The following PRCP variants were observed in gnomAD, a reference collection of about 807,000 sequenced individuals.
PRCP encodes the protein lysosomal Pro-X carboxypeptidase.
PRCP carries 46 observed loss-of-function variants against 54.2 expected under a neutral mutation model. The ratio of observed to expected loss-of-function variants is 0.85; its 90% CI spans 0.67 to 1.09. The LOEUF is 1.09. Ranked by LOEUF, PRCP falls within the 50% of genes least tolerant of loss-of-function variation. The pLI, the probability that PRCP is intolerant of heterozygous loss-of-function variation, is 0.00. For missense variants in PRCP, 613 were observed against 596.8 expected, an observed-to-expected ratio of 1.03 and a Z score of -0.28; for synonymous variants, 240 against 212.2, an observed-to-expected ratio of 1.13 and a Z score of -1.14.
rs569313752 is a variant in PRCP at position 82,861,007 on chromosome 11, A to G, written c.169-890T>C. On this transcript the variant is annotated intron_variant, in intron 1 of 8. Transcript: ENST00000313010. ...CATTTTAATAAATTGAACGTAAAAC[A>G]AAAACAAATTAAACATAAAAAGAAT... 1.8e-4 allele frequency among the ~76,000 whole-genome samples: 27 copies of G among 152,336 alleles called. No homozygotes were observed. In the South Asian group the frequency reaches 5.4e-3, roughly 30 times the overall value.
Position 82,900,422 on chromosome 11 carries a change from A to T in PRCP, c.-20T>A. 6.2e-7 allele frequency: 1 copy of T among 1,610,946 alleles called. No homozygotes were observed. Among genetic ancestry groups the T allele is most frequent in the Non-Finnish European group, 8.5e-7 (1 of 1,179,598 alleles). On this transcript the variant is annotated 5_prime_UTR_variant, in exon 1 of 9. Coordinates refer to ENST00000313010, the MANE Select transcript of PRCP (RefSeq NM_005040.4). ...GCCCATGGCTCAGGCTGGAGACTGC[A>T]GTGCGGGTGGGAGGGCGAAAAGGAG...
intron 6 of PRCP, chr11:82,846,020 C>G (rs767275781): frequency 6.6e-6 from 1 of 152,206 alleles, no homozygotes. Flanking sequence ...TAGTCGCTGC[C>G]CATGGATCCT....
chr11:82,879,648 TTC>T (rs1397261503), intron 1 of PRCP, among the ~76,000 whole-genome samples: 1 of 152,242 alleles, frequency 6.6e-6, no homozygotes, highest in Non-Finnish European at 1.5e-5. Context: ...CTGCTCTGGT[TTC>T]TCCCCATCTT....
chr11:82,851,388 G>T (rs555143035), intron 3 of PRCP, among the ~76,000 whole-genome samples: 1 of 150,260 alleles, frequency 6.7e-6, no homozygotes, highest in East Asian at 2.0e-4. Context: ...CTCCCGCACT[G>T]CCAACTTTGA....
At chr11:82,858,922 TC>T (rs1814595239) in intron 2 of PRCP, among the ~76,000 whole-genome samples, 1 of 152,140 alleles carries the variant, frequency 6.6e-6, no homozygotes, top group African/African-American at 2.4e-5. Flanking sequence ...TTCTTAACAT[TC>T]CTAAGGAAAT....
chr11:82,866,742 G>A lies in PRCP; in HGVS notation c.169-6625C>T, dbSNP rs186865092. On this transcript the variant is annotated intron_variant, in intron 1 of 8. Transcript: ENST00000313010. ...TTGTTTTTAATTTTTTTTTTTTTGA[G>A]CCGGAGTCTTGCTCTGTCACCCAGG... is the stretch of plus-strand genomic sequence containing the variant. Among the ~76,000 whole-genome samples, 365 of 150,606 alleles carry A rather than the reference G, an allele frequency of 2.4e-3. 3 individuals are homozygous for A. Among genetic ancestry groups the A allele is most frequent in the African/African-American group, 8.6e-3 (352 of 40,970 alleles).
chr11:82,850,003 A>C lies in PRCP; in HGVS notation c.662T>G (p.Ile221Ser). 6.4e-7 allele frequency: 1 copy of C among 1,560,642 alleles called. No homozygotes were observed. Among genetic ancestry groups the C allele is most frequent in the African/African-American group, 1.4e-5 (1 of 72,456 alleles). Reference sequence around the variant, plus strand: ...GCTTTTCCTAAAATCTGTAGTTACGATCTTCATAAATACACCACAAGGTAC... The same window carrying C: ...GCTTTTCCTAAAATCTGTAGTTACGCTCTTCATAAATACACCACAAGGTAC... The part of the protein sequence containing the change: ...DLVPCGVFMK[I>S]VTTDFRKSGP... The change falls in exon 5 of 9, where the codon ATC becomes AGC. Residue 221 changes from isoleucine to serine, a missense_variant. Transcript: ENST00000313010.
chr11:82,837,001 T>C (rs1313738075), intron 8 of PRCP: 1 of 258,322 alleles, frequency 3.9e-6, no homozygotes, highest in Admixed American at 4.9e-5. Context: ...TCCACCCTTA[T>C]GAACAGAGTA....
At chr11:82,834,849 C>A (rs182954779) in intron 8 of PRCP, among the ~76,000 whole-genome samples, 1 of 152,064 alleles carries the variant, frequency 6.6e-6, no homozygotes, top group Non-Finnish European at 1.5e-5. Context: ...CCGAGGCAGG[C>A]GGATCACCTG....
intron 4 of PRCP, 54 bp downstream of exon 4, chr11:82,850,268 TAA>T: frequency 7.3e-7 from 1 of 1,360,732 alleles, no homozygotes; most frequent in East Asian, 2.7e-5. Flanking sequence ...AATGAATCTC[TAA>T]GTTTCCCTTG....
chr11:82,861,770 G>A (rs898105209), intron 1 of PRCP, among the ~76,000 whole-genome samples: 10 of 152,152 alleles, frequency 6.6e-5, no homozygotes, highest in African/African-American at 2.2e-4. Context: ...GACTATTTTA[G>A]ATTAAATGAA....
chr11:82,888,877 T>C (rs1859930207), intron 1 of PRCP, among the ~76,000 whole-genome samples: 1 of 152,178 alleles, frequency 6.6e-6, no homozygotes, highest in African/African-American at 2.4e-5. Flanking sequence ...TTTGTGAAAA[T>C]AATACTCTAG....
intron 8 of PRCP, chr11:82,826,038 G>A (rs1183724170): frequency 6.6e-6 from 1 of 152,154 alleles, no homozygotes; most frequent in Non-Finnish European, 1.5e-5. Flanking sequence ...AGTATACTCA[G>A]AGTTGTGCAA....
At chr11:82,830,969 GA>G (rs1858366441) in intron 8 of PRCP, 1 of 138,698 alleles carries the variant, frequency 7.2e-6, no homozygotes, top group African/African-American at 2.7e-5. Flanking sequence ...GTTGCTGAGA[GA>G]CCTAAGATGC....
intron 8 of PRCP, chr11:82,835,774 A>C (rs924205641): frequency 2.3e-6 from 1 of 438,098 alleles, no homozygotes; most frequent in African/African-American, 2.0e-5. Flanking sequence ...AAGCTGAAGA[A>C]GTTGTAAAGG....
intron 1 of PRCP, among the ~76,000 whole-genome samples, chr11:82,889,201 T>A (rs74813472): frequency 0.25 from 38,457 of 151,092 alleles, 5,255 homozygotes; most frequent in Admixed American, 0.31. Flanking sequence ...TTCTTTTTTT[T>A]AAAAAAAATA....
chr11:82,866,160 T>C (rs1405411010), intron 1 of PRCP, among the ~76,000 whole-genome samples: 2 of 152,202 alleles, frequency 1.3e-5, no homozygotes, highest in Admixed American at 6.5e-5. Flanking sequence ...ACAATGAAGA[T>C]ACCAGAAAGT....
chr11:82,854,952 G>T (rs1160719165), intron 2 of PRCP, among the ~76,000 whole-genome samples: 3 of 152,176 alleles, frequency 2.0e-5, no homozygotes, highest in Non-Finnish European at 4.4e-5. Context: ...ATGGTGCTGG[G>T]ATAACTGGCT....
intron 1 of PRCP, among the ~76,000 whole-genome samples, chr11:82,885,385 T>C (rs1278099182): frequency 6.6e-6 from 1 of 152,226 alleles, no homozygotes; most frequent in Non-Finnish European, 1.5e-5. Context: ...TACTGAAGAT[T>C]ATAAACCCAC....
Sources: allele counts gnomAD v4.1 joint callset (sites outside exome capture counted in the v4.1 genomes callset), GRCh38; gene constraint gnomAD v4.1.1; transcripts MANE v1.5; gene names NCBI Gene and HGNC (gene_info 2026-07-23, HGNC 2026-07-21).